The following TRPM2 variants were observed in gnomAD, a reference collection of about 807,000 sequenced individuals.
TRPM2 encodes the protein transient receptor potential cation channel subfamily M member 2.
Under a neutral mutation model 174.0 loss-of-function variants are expected in TRPM2, and 161 were observed. That is an observed-to-expected ratio of 0.93 (90% CI 0.81 to 1.05). TRPM2 has a LOEUF of 1.05. Among genes scored for constraint, TRPM2 ranks in the 50% least tolerant of loss-of-function variants. TRPM2 has a pLI of 0.00. For missense variants in TRPM2, 2,057 were observed against 2,038.0 expected, an observed-to-expected ratio of 1.01 and a Z score of -0.18; for synonymous variants, 954 against 861.3, an observed-to-expected ratio of 1.11 and a Z score of -1.88.
chr21:44,429,278 CTTTTTTTT>C (rs35708355), intron 27 of TRPM2, among the ~76,000 whole-genome samples: 112 of 44,212 alleles, frequency 2.5e-3, no homozygotes, highest in Middle Eastern at 0.024. Flanking sequence ...TTTTCTTTTT[CTTTTTTTT>C]TTTTTTTTTT....
At position 44,401,717 on chromosome 21, in the gene TRPM2, C is replaced by T. The variant is rs779400812; in HGVS notation, c.2358C>T (p.Ala786=). 1.2e-6 allele frequency: 2 copies of T among 1,613,310 alleles called. No individual in the cohort carries two copies. The highest frequency in any genetic ancestry group is 1.7e-5 in the Admixed American group (1 of 60,016). ...TGCAGGATGTGGGCACCCCCGCGGC[C>T]CGCGCCCGTGCCTTCTTCACCGCAC... ...KRLQDVGTPA[A]RARAFFTAPV... is the part of the protein sequence containing the mutation. The change falls in exon 16 of 32, where the codon GCC becomes GCT. Residue 786 remains alanine (A), a synonymous_variant. Transcript: ENST00000397928.
At chr21:44,394,471 C>T (rs1380149211) in intron 11 of TRPM2, among the ~76,000 whole-genome samples, 1 of 151,954 alleles carries the variant, frequency 6.6e-6, no homozygotes, top group Non-Finnish European at 1.5e-5. Flanking sequence ...AGGTGTCCGC[C>T]ACCACGCCTG....
rs1441202464 is a variant in TRPM2, at chr21:44,408,477, A to G, written c.2962+1712A>G. ...TTCCAATTTCTCTACCTTCTTGTCA[A>G]CATTTGTTATTGTCCATTAAAAAAA... On this transcript the variant is annotated intron_variant, in intron 19 of 31. Coordinates refer to ENST00000397928, the MANE Select transcript of TRPM2 (RefSeq NM_003307.4). Among the ~76,000 whole-genome samples, 4 of 151,284 alleles carry G rather than the reference A, an allele frequency of 2.6e-5. No homozygotes were observed. In the Admixed American group the frequency reaches 2.6e-4, roughly 10 times the overall value.
intron 19 of TRPM2, among the ~76,000 whole-genome samples, chr21:44,409,117 G>A (rs2050004234): frequency 6.6e-6 from 1 of 151,942 alleles, no homozygotes; most frequent in South Asian, 2.1e-4. Flanking sequence ...TTTTCTTTAT[G>A]GTGTCATTTG....
intron 12 of TRPM2, among the ~76,000 whole-genome samples, chr21:44,397,284 GCCTCGGCCTT>G (rs1402504316): frequency 6.6e-6 from 1 of 152,102 alleles, no homozygotes; most frequent in Non-Finnish European, 1.5e-5. Context: ...TGATCCGCCT[GCCTCGGCCTT>G]CCAAAGTGCT....
At chr21:44,357,060 T>C (rs917048912) in intron 2 of TRPM2, among the ~76,000 whole-genome samples, 3 of 152,344 alleles carry the variant, frequency 2.0e-5, no homozygotes, top group Admixed American at 2.0e-4. Context: ...CTTTGTGACC[T>C]GTGTCTTCTG....
chr21:44,432,254 G>T lies in TRPM2; in HGVS notation c.3975-2877G>T, dbSNP rs1645655664. Among the ~76,000 whole-genome samples, 1 of 152,174 alleles carries T rather than the reference G, an allele frequency of 6.6e-6. No individual in the cohort carries two copies. The highest frequency in any genetic ancestry group is 2.1e-4 in the South Asian group (1 of 4,830). On this transcript the variant is annotated intron_variant, in intron 27 of 31. Coordinates refer to ENST00000397928, the MANE Select transcript of TRPM2 (RefSeq NM_003307.4). This position sits in a 1 kb window ranked among gnomAD's most constrained non-coding sequence, Gnocchi z 4.9. ...CACACTCCCTCTGAGGGCTTGAGGG[G>T]AGACCTCTTCCTGCCTCTCCAGCTC...
chr21:44,424,032 G>T (rs931613437), intron 23 of TRPM2, among the ~76,000 whole-genome samples: 9 of 152,150 alleles, frequency 5.9e-5, no homozygotes, highest in African/African-American at 2.2e-4. Flanking sequence ...CAGGGAGGCT[G>T]TGGGACTCTG....
intron 24 of TRPM2, chr21:44,425,389 T>G (rs2050723897): frequency 2.3e-6 from 1 of 431,112 alleles, no homozygotes. Context: ...ATATTTGCCC[T>G]CGTAACCGCA....
rs534807052 is a variant in TRPM2 at position 44,381,780 on chromosome 21, G to A, written c.1216-938G>A. Among the ~76,000 whole-genome samples, 142 of 152,200 alleles carry A rather than the reference G, an allele frequency of 9.3e-4. 1 individual carries two copies. The highest frequency in any genetic ancestry group is 3.3e-3 in the African/African-American group (138 of 41,516). On this transcript the variant is annotated intron_variant, in intron 8 of 31. Coordinates refer to ENST00000397928, the MANE Select transcript of TRPM2 (RefSeq NM_003307.4). The stretch of plus-strand genomic sequence containing the variant: ...ACATTATCCAGGCATGGTGGTGGGT[G>A]CCTGTAATCCCAGCTACTTGGGAGG...
intron 29 of TRPM2, 76 bp downstream of exon 29, chr21:44,437,243 C>T (rs1036970052): frequency 8.0e-6 from 11 of 1,381,858 alleles, no homozygotes; most frequent in East Asian, 2.5e-5. Context: ...ATTCTGCCCA[C>T]GGACTGGACA....
intron 9 of TRPM2, among the ~76,000 whole-genome samples, chr21:44,385,824 GC>G (rs536505663): frequency 3.9e-5 from 6 of 152,142 alleles, no homozygotes; most frequent in Non-Finnish European, 8.8e-5. Flanking sequence ...AGAAGGAAGA[GC>G]CCCTTCTAAA....
Position 44,391,153 on chromosome 21 carries a change from C to A in TRPM2, c.1441-119C>A. ...TTCCCTTGAGGGTGGGTGACCTGGGCAGCTTTCATCCTCCCCAGGTTGGGG... is the reference window on the plus strand; with the variant it reads ...TTCCCTTGAGGGTGGGTGACCTGGGAAGCTTTCATCCTCCCCAGGTTGGGG... On this transcript the variant is annotated intron_variant, in intron 10 of 31. Transcript: ENST00000397928. This position sits in a 1 kb window ranked among gnomAD's most constrained non-coding sequence, Gnocchi z 5.0. 1.3e-6 allele frequency: 2 copies of A among 1,542,558 alleles called. No individual in the cohort carries two copies. Among genetic ancestry groups the A allele is most frequent in the Non-Finnish European group, 8.8e-7 (1 of 1,133,908 alleles).
In TRPM2 at chr21:44,391,205, C is replaced by T; in HGVS notation, c.1441-67C>T. 1.3e-6 allele frequency: 2 copies of T among 1,548,584 alleles called. No homozygotes were observed. The highest frequency in any genetic ancestry group is 4.5e-5 in the East Asian group (2 of 44,400). ...CAACAGCAGCCCCCATCTCCAGGGT[C>T]TTTGAGATCAGGATGACATGGGGTG... On this transcript the variant is annotated intron_variant, in intron 10 of 31. Transcript: ENST00000397928. This position sits in a 1 kb window ranked among gnomAD's most constrained non-coding sequence, Gnocchi z 5.0.
Position 44,364,222 on chromosome 21 carries a change from G to C in TRPM2, c.363G>C (p.Glu121Asp), listed in dbSNP as rs1036502480. 6.2e-7 allele frequency: 1 copy of C among 1,614,136 alleles called. No individual in the cohort carries two copies. The highest frequency in any genetic ancestry group is 1.3e-5 in the African/African-American group (1 of 74,950). The change falls in exon 3 of 32, where the codon GAG (glutamate) becomes GAC (aspartate). Residue 121 changes from glutamate to aspartate, a missense_variant. Glu to Asp is a conservative substitution (Grantham distance 45, BLOSUM62 2). Transcript: ENST00000397928. ...GGGACCCAAAGAAACATGTCCAGGA[G>C]ATGCCAACCGATGCCTTTGGCGACA... ...TQWDPKKHVQ[E>D]MPTDAFGDIV...
chr21:44,399,851 G>C lies in TRPM2; in HGVS notation c.2209-408G>C, dbSNP rs2049555065. 6.6e-6 allele frequency among the ~76,000 whole-genome samples: 1 copy of C among 152,180 alleles called. No homozygotes were observed. Among genetic ancestry groups the C allele is most frequent in the African/African-American group, 2.4e-5 (1 of 41,454 alleles). ...CAGCATCGCCCTGGAACCCCCGGCA[G>C]GGCCTGGCTCCCAGCGAGTGCCCCT... On this transcript the variant is annotated intron_variant, in intron 14 of 31. Transcript: ENST00000397928. The surrounding 1 kb of genome is among the most constrained non-coding windows in gnomAD (Gnocchi z 4.6).
At chr21:44,436,657 C>T (rs1202209649) in intron 28 of TRPM2, among the ~76,000 whole-genome samples, 1 of 142,064 alleles carries the variant, frequency 7.0e-6, no homozygotes, top group Non-Finnish European at 1.5e-5. Flanking sequence ...CGGCACCCCA[C>T]ATCACCCCCA....
At chr21:44,434,434 G>A (rs1230055658) in intron 27 of TRPM2, among the ~76,000 whole-genome samples, 10 of 152,014 alleles carry the variant, frequency 6.6e-5, no homozygotes, top group Non-Finnish European at 1.3e-4. Flanking sequence ...TGCTGTCGGG[G>A]ACTATGGCGG....
In TRPM2 at chr21:44,406,588, C is replaced by T; in HGVS notation, c.2791-6C>T. 1.9e-6 allele frequency: 3 copies of T among 1,607,038 alleles called. No individual in the cohort carries two copies. Among genetic ancestry groups the T allele is most frequent in the South Asian group, 2.2e-5 (2 of 90,816 alleles). ...GAGTGTAGCCCACACACTCTCTGTCCTGCAGATGAAGGACGTCTTCTTCTT... is the reference window on the plus strand; with the variant it reads ...GAGTGTAGCCCACACACTCTCTGTCTTGCAGATGAAGGACGTCTTCTTCTT... On this transcript the variant is annotated splice_region_variant and splice_polypyrimidine_tract_variant and intron_variant, in intron 18 of 31. Transcript: ENST00000397928.
Sources: gnomAD v4.1 joint callset for allele counts (sites outside exome capture counted in the v4.1 genomes callset) on GRCh38, gnomAD v4.1.1 for gene constraint, Gnocchi (gnomAD v3.1) non-coding constraint, MANE v1.5 for transcripts, NCBI Gene and HGNC (gene_info 2026-07-23, HGNC 2026-07-21) for gene names.